The following CAST variants were observed in gnomAD, a reference collection of about 807,000 sequenced individuals.
CAST encodes the protein calpastatin, also known as MIR583 host.
In CAST, 76 loss-of-function variants were observed where a neutral mutation model predicts 119.6. The observed-to-expected ratio is 0.64, with a 90% CI of 0.53 to 0.77. The LOEUF is 0.77. CAST is among the 30% of genes least tolerant of loss of function. The pLI is 0.00. For synonymous variants in CAST, 319 were observed against 331.6 expected (o/e 0.96, Z 0.41); for missense variants, 953 against 946.5 (o/e 1.01, Z -0.09).
At chr5:96,043,685 C>A in the CAST span, among the ~76,000 whole-genome samples, 1 of 152,128 alleles carries the variant, frequency 6.6e-6, no homozygotes, top group Non-Finnish European at 1.5e-5. Flanking sequence ...ATGAAGAAAC[C>A]TTTTTCAGAA....
At chr5:96,725,797 GT>G in intron 4 of CAST, among the ~76,000 whole-genome samples, 1 of 152,202 alleles carries the variant, frequency 6.6e-6, no homozygotes, top group African/African-American at 2.4e-5. Flanking sequence ...TATTTTCCTT[GT>G]TAATCATTTA....
At chr5:96,529,778 C>T (rs1378429167), upstream of CAST, 2 of 437,600 alleles carry the variant, frequency 4.6e-6, no homozygotes, top group Non-Finnish European at 9.1e-6. Flanking sequence ...TTATGAGGGG[C>T]TTCCCCTTTG....
At chr5:96,300,624 C>T in the CAST span, among the ~76,000 whole-genome samples, 1 of 151,530 alleles carries the variant, frequency 6.6e-6, no homozygotes, top group Non-Finnish European at 1.5e-5. Context: ...TTGTCTATAT[C>T]CATGAAAAAT....
At chr5:96,317,476 CAAAAAAAAAAAA>C in the CAST span, among the ~76,000 whole-genome samples, 72 of 50,614 alleles carry the variant, frequency 1.4e-3, 1 homozygote, top group Middle Eastern at 0.018. Context: ...GACTCCATCT[CAAAAAAAAAAAA>C]AAAAAAAAAA....
chr5:96,349,500 G>A, the CAST span, among the ~76,000 whole-genome samples: 1 of 151,914 alleles, frequency 6.6e-6, no homozygotes, highest in African/African-American at 2.4e-5. Flanking sequence ...TGTATCAAGA[G>A]GCCTAATTGT....
Position 96,740,991 on chromosome 5 carries a change from A to G in CAST, c.918+208A>G, listed in dbSNP as rs6867145. The G allele has an allele frequency of 1.0e-3, 600 of 596,102 alleles. 6 individuals carry two copies. The highest frequency in any genetic ancestry group is 9.8e-3 in the African/African-American group (524 of 53,688). The allele number at this position is 596,102 out of a possible 1,614,324, so 36.9% of individuals were successfully genotyped here. A position where few individuals can be genotyped will look rare whatever the true frequency, so the allele number is the denominator to read the frequency against. The stretch of plus-strand genomic sequence containing the variant: ...AAGTAGGTTTTTTGAGGGAAAGGAG[A>G]AAGAAGGCGAGAAAGTATTAGGATA... On this transcript the variant is annotated intron_variant, in intron 13 of 31. Transcript: ENST00000675179.
chr5:96,747,529 T>C lies in CAST; in HGVS notation c.1332+137T>C, dbSNP rs1042153319. On this transcript the variant is annotated intron_variant, in intron 18 of 31. Coordinates refer to ENST00000675179, the MANE Select transcript of CAST (RefSeq NM_001750.7). The stretch of plus-strand genomic sequence containing the variant: ...GTACAGAGGAAAGGGGAACTTCTGA[T>C]GGTAACACTTGGCTGATACCTGTAG... 4 of 545,594 alleles carry C rather than the reference T, an allele frequency of 7.3e-6. No homozygotes were observed. In the Admixed American group the frequency reaches 1.5e-4, roughly 20 times the overall value. The allele number at this position is 545,594 out of a possible 1,614,324, so 33.8% of individuals were successfully genotyped here. A position where few individuals can be genotyped will look rare whatever the true frequency, so the allele number is the denominator to read the frequency against.
chr5:96,292,025 C>T, the CAST span, among the ~76,000 whole-genome samples: 1 of 152,034 alleles, frequency 6.6e-6, no homozygotes, highest in East Asian at 1.9e-4. Flanking sequence ...GACTTTTGTG[C>T]TTTCTGCCTT....
At chr5:96,087,285 C>T in the CAST span, among the ~76,000 whole-genome samples, 1 of 152,184 alleles carries the variant, frequency 6.6e-6, no homozygotes, top group African/African-American at 2.4e-5. Context: ...GAGTCTATAA[C>T]ATAAGAGAAC....
the CAST span, among the ~76,000 whole-genome samples, chr5:96,201,530 A>G: frequency 2.6e-5 from 4 of 152,188 alleles, no homozygotes; most frequent in South Asian, 8.3e-4. Flanking sequence ...TTAAAAACCC[A>G]TATTCTCCTT....
chr5:96,543,535 C>A (rs1745955137), intron 1 of CAST, among the ~76,000 whole-genome samples: 1 of 152,110 alleles, frequency 6.6e-6, no homozygotes, highest in South Asian at 2.1e-4. Context: ...TACCCCGGAA[C>A]TTAAAGTATA....
the CAST span, among the ~76,000 whole-genome samples, chr5:96,029,534 A>G: frequency 0.024 from 3,595 of 152,246 alleles, 59 homozygotes; most frequent in Middle Eastern, 0.051. Flanking sequence ...TCATATGTAA[A>G]AAATATTTCG....
At chr5:96,521,716 C>T (rs1245852224), upstream of CAST, among the ~76,000 whole-genome samples, 1 of 152,194 alleles carries the variant, frequency 6.6e-6, no homozygotes. Flanking sequence ...TTTGAATTTT[C>T]TCTGCTTTCA....
At chr5:96,628,364 A>G (rs1034226872) in intron 1 of CAST, among the ~76,000 whole-genome samples, 3 of 152,260 alleles carry the variant, frequency 2.0e-5, no homozygotes, top group Non-Finnish European at 2.9e-5. Flanking sequence ...CAACTCTTCT[A>G]TAAACACACA....
chr5:96,491,478 G>T, the CAST span, among the ~76,000 whole-genome samples: 1 of 78,932 alleles, frequency 1.3e-5, no homozygotes, highest in Non-Finnish European at 2.4e-5. Flanking sequence ...GGGACAGAGC[G>T]AGACTCCATC....
At chr5:96,349,390 T>C in the CAST span, among the ~76,000 whole-genome samples, 1 of 152,048 alleles carries the variant, frequency 6.6e-6, no homozygotes, top group Non-Finnish European at 1.5e-5. Context: ...TGTGGCATGA[T>C]TATTTTGCTG....
chr5:96,145,584 C>CA, the CAST span, among the ~76,000 whole-genome samples: 11 of 152,036 alleles, frequency 7.2e-5, no homozygotes, highest in African/African-American at 2.7e-4. Context: ...AAGGTCATTG[C>CA]AAGGAGCCAT....
At chr5:96,107,850 T>C in the CAST span, among the ~76,000 whole-genome samples, 1 of 152,244 alleles carries the variant, frequency 6.6e-6, no homozygotes, top group Admixed American at 6.5e-5. Context: ...CCCTGTCACT[T>C]TCAGGTACAC....
At chr5:96,373,734 C>CT in the CAST span, among the ~76,000 whole-genome samples, 1 of 151,900 alleles carries the variant, frequency 6.6e-6, no homozygotes, top group African/African-American at 2.4e-5. Flanking sequence ...CATTTCATTT[C>CT]TTTTTTTCTT....
Sources: gnomAD v4.1 joint callset for allele counts (sites outside exome capture counted in the v4.1 genomes callset) on GRCh38, gnomAD v4.1.1 for gene constraint, MANE v1.5 for transcripts, NCBI Gene and HGNC (gene_info 2026-07-23, HGNC 2026-07-21) for gene names.